The following MYO1E variants were observed in gnomAD, a reference collection of about 807,000 sequenced individuals.
MYO1E encodes the protein unconventional myosin-Ie.
MYO1E carries 68 observed loss-of-function variants against 151.1 expected under a neutral mutation model. The ratio of observed to expected loss-of-function variants is 0.45; its 90% CI spans 0.37 to 0.55. MYO1E has a LOEUF of 0.55. Among genes scored for constraint, MYO1E ranks in the 20% least tolerant of loss-of-function variants. The pLI is 0.00. For synonymous variants in MYO1E, 601 were observed against 501.7 expected, an observed-to-expected ratio of 1.20 and a Z score of -2.64; for missense variants, 1,363 against 1,389.3, an observed-to-expected ratio of 0.98 and a Z score of 0.30.
chr15:59,288,911 G>C (rs566223780), intron 1 of MYO1E, among the ~76,000 whole-genome samples: 1 of 152,348 alleles, frequency 6.6e-6, no homozygotes, highest in Admixed American at 6.5e-5. Context: ...TTGAGCAACA[G>C]ACTGATGCCT....
At chr15:59,371,347 A>G (rs1056072501) in intron 1 of MYO1E, among the ~76,000 whole-genome samples, 14 of 152,136 alleles carry the variant, frequency 9.2e-5, no homozygotes, top group African/African-American at 2.7e-4. Context: ...TTAGAAAACA[A>G]CAGCAAACCA....
chr15:59,239,233 A>T (rs56205052), intron 4 of MYO1E, among the ~76,000 whole-genome samples: 59,195 of 131,090 alleles, frequency 0.45, 15,120 homozygotes, highest in Non-Finnish European at 0.61. Context: ...TATTTTTTTT[A>T]TTTTTTAAAA....
chr15:59,279,305 C>G (rs540883087), intron 1 of MYO1E, among the ~76,000 whole-genome samples: 1 of 152,124 alleles, frequency 6.6e-6, no homozygotes, highest in South Asian at 2.1e-4. Context: ...AGCTGGCCCC[C>G]GGTGGAGAAG....
At chr15:59,229,546 T>C (rs1190543249) in intron 6 of MYO1E, among the ~76,000 whole-genome samples, 1 of 152,262 alleles carries the variant, frequency 6.6e-6, no homozygotes, top group African/African-American at 2.4e-5. Context: ...TGCATTTGCA[T>C]TTTGATAATG....
intron 12 of MYO1E, among the ~76,000 whole-genome samples, chr15:59,213,109 A>G (rs2079889863): frequency 6.6e-6 from 1 of 150,454 alleles, no homozygotes; most frequent in Admixed American, 6.6e-5. Context: ...CTATCAGGAA[A>G]CAATGGAAAC....
chr15:59,221,008 T>C (rs1312925547), intron 9 of MYO1E, among the ~76,000 whole-genome samples: 1 of 143,774 alleles, frequency 7.0e-6, no homozygotes, highest in Non-Finnish European at 1.5e-5. Flanking sequence ...ATTATATATA[T>C]AATATATATA....
At chr15:59,260,798 T>G (rs1331450691) in intron 3 of MYO1E, among the ~76,000 whole-genome samples, 1 of 152,216 alleles carries the variant, frequency 6.6e-6, no homozygotes, top group African/African-American at 2.4e-5. Context: ...TTTTTATTCC[T>G]TAGATTTTTG....
chr15:59,171,237 T>C (rs537360898), intron 22 of MYO1E: 182 of 157,398 alleles, frequency 1.2e-3, no homozygotes, highest in Admixed American at 2.2e-3. Flanking sequence ...GAAGACCTCC[T>C]ATGCTAAGAA....
chr15:59,318,099 C>A (rs2080600590), intron 1 of MYO1E, among the ~76,000 whole-genome samples: 1 of 152,112 alleles, frequency 6.6e-6, no homozygotes, highest in Admixed American at 6.5e-5. Context: ...TGTGTAATTA[C>A]AATTGCGATT....
At chr15:59,328,181 C>T (rs369772090) in intron 1 of MYO1E, among the ~76,000 whole-genome samples, 2 of 152,174 alleles carry the variant, frequency 1.3e-5, no homozygotes, top group Non-Finnish European at 2.9e-5. Context: ...GGGCAGCAAA[C>T]GGGCTTGCAA....
At chr15:59,279,394 A>G (rs2080340200) in intron 1 of MYO1E, among the ~76,000 whole-genome samples, 1 of 152,188 alleles carries the variant, frequency 6.6e-6, no homozygotes, top group South Asian at 2.1e-4. Context: ...GTTGTTAATG[A>G]TAAAGCTGGA....
At chr15:59,149,452 GCTA>G (rs2079463501) in intron 26 of MYO1E, among the ~76,000 whole-genome samples, 1 of 145,152 alleles carries the variant, frequency 6.9e-6, no homozygotes, top group African/African-American at 2.5e-5. Context: ...CAAAAGCTAT[GCTA>G]ATCGATGGCA....
At chr15:59,220,601 A>G (rs546198185) in intron 9 of MYO1E, among the ~76,000 whole-genome samples, 1 of 152,200 alleles carries the variant, frequency 6.6e-6, no homozygotes, top group African/African-American at 2.4e-5. Context: ...TTTTTCCATT[A>G]TAAAGGCATG....
At chr15:59,161,268 G>T (rs751448189) in intron 23 of MYO1E, 38 bp from the exon 24 acceptor site, 2 of 1,606,796 alleles carry the variant, frequency 1.2e-6, no homozygotes, top group African/African-American at 2.7e-5. Context: ...GTCGAAGGAC[G>T]CAGTGAGAAA....
intron 26 of MYO1E, among the ~76,000 whole-genome samples, chr15:59,153,204 T>C (rs550338302): frequency 1.9e-4 from 29 of 152,368 alleles, no homozygotes; most frequent in African/African-American, 6.7e-4. Context: ...TTATGCTTAA[T>C]GTTGCTGAAG....
In MYO1E at chr15:59,303,477, C is replaced by T. The variant is rs577552019; in HGVS notation, c.4-31028G>A. 5.7e-4 allele frequency among the ~76,000 whole-genome samples: 86 copies of T among 151,796 alleles called. 2 individuals are homozygous for T. In the South Asian group the frequency reaches 0.018, roughly 31 times the overall value. ...CCGAGGGGCAGAAGTTGCAGTGAGC[C>T]GAGACCGTACCACTGCACTCCAGCC... On this transcript the variant is annotated intron_variant, in intron 1 of 27. Coordinates refer to ENST00000288235, the MANE Select transcript of MYO1E (RefSeq NM_004998.4).
intron 25 of MYO1E, among the ~76,000 whole-genome samples, chr15:59,155,898 C>CT (rs1282602440): frequency 6.6e-6 from 1 of 152,172 alleles, no homozygotes; most frequent in Middle Eastern, 3.2e-3. Context: ...GAGACAGACT[C>CT]TCACTCAGTT....
rs1217316840 is a variant in MYO1E at position 59,236,364 on chromosome 15, ATATATAC to A, written c.420+214_420+220del. ...CTGTCTCAAAAAAGAAAAAAAAAAA[ATATATAC>A]ACACACACACACACACACACACACA... is the stretch of plus-strand genomic sequence containing the variant. On this transcript the variant is annotated intron_variant, in intron 5 of 27. Transcript: ENST00000288235. Among the ~76,000 whole-genome samples, 65 of 48,558 alleles carry A rather than the reference ATATATAC, an allele frequency of 1.3e-3. 2 individuals carry two copies. The highest frequency in any genetic ancestry group is 8.9e-3 in the Middle Eastern group (1 of 112). The allele number at this position is 48,558 out of a possible 152,430, so 31.9% of individuals were successfully genotyped here. A position where few individuals can be genotyped will look rare whatever the true frequency, so the allele number is the denominator to read the frequency against.
chr15:59,338,336 C>T (rs1196769211), intron 1 of MYO1E, among the ~76,000 whole-genome samples: 1 of 146,316 alleles, frequency 6.8e-6, no homozygotes, highest in Admixed American at 6.9e-5. Flanking sequence ...TTCCACAGCA[C>T]ATAGTACGTT....
Sources: allele counts gnomAD v4.1 joint callset (sites outside exome capture counted in the v4.1 genomes callset), GRCh38; gene constraint gnomAD v4.1.1; transcripts MANE v1.5; gene names NCBI Gene and HGNC (gene_info 2026-07-23, HGNC 2026-07-21).